The following TMEM38B variants were observed in gnomAD, a reference collection of about 807,000 sequenced individuals.
The protein encoded by TMEM38B is transmembrane protein 38B.
TMEM38B carries 24 observed loss-of-function variants against 28.7 expected under a neutral mutation model. The observed-to-expected ratio is 0.84, with a 90% CI of 0.61 to 1.18. The LOEUF (loss-of-function observed/expected upper bound fraction) is 1.18, where lower values mean the gene tolerates loss of function less well. TMEM38B is among the 50% of genes most tolerant of loss of function. The pLI is 0.00. For missense variants in TMEM38B, 380 were observed against 350.9 expected (o/e 1.08, Z -0.66); for synonymous variants, 131 against 127.7 (o/e 1.03, Z -0.17).
chr9:105,760,273 T>C (rs1372938629), intron 5 of TMEM38B: 4 of 790,666 alleles, frequency 5.1e-6, no homozygotes, highest in Non-Finnish European at 9.2e-6. Flanking sequence ...CTTTTCTCGA[T>C]GTGTGCTATG....
At chr9:105,718,670 A>G (rs141702558) in intron 2 of TMEM38B, among the ~76,000 whole-genome samples, 211 of 152,370 alleles carry the variant, frequency 1.4e-3, no homozygotes, top group African/African-American at 4.6e-3. Flanking sequence ...AAGAGAAACA[A>G]TAACTTGGTA....
chr9:105,741,785 C>A (rs908684825), intron 4 of TMEM38B, among the ~76,000 whole-genome samples: 1 of 152,060 alleles, frequency 6.6e-6, no homozygotes, highest in East Asian at 1.9e-4. Flanking sequence ...CAAATAAAAC[C>A]CCTCAAAACC....
chr9:105,728,147 G>A (rs912465822), intron 4 of TMEM38B, among the ~76,000 whole-genome samples: 1 of 152,034 alleles, frequency 6.6e-6, no homozygotes, highest in African/African-American at 2.4e-5. Flanking sequence ...CAACGTGCAG[G>A]TTTGTTACAT....
intron 5 of TMEM38B, chr9:105,749,291 G>A (rs1263364677): frequency 8.3e-6 from 2 of 240,570 alleles, no homozygotes; most frequent in East Asian, 3.0e-4. Context: ...AGAAAAAGAA[G>A]TTTAAGGGAC....
intron 4 of TMEM38B, among the ~76,000 whole-genome samples, chr9:105,743,108 T>G (rs971319147): frequency 1.3e-5 from 2 of 152,086 alleles, no homozygotes; most frequent in African/African-American, 4.8e-5. Context: ...AACAATAAAA[T>G]AAAACATGAC....
At chr9:105,731,412 C>T (rs1292645959) in intron 4 of TMEM38B, among the ~76,000 whole-genome samples, 1 of 151,954 alleles carries the variant, frequency 6.6e-6, no homozygotes, top group Non-Finnish European at 1.5e-5. Context: ...CCCATTAACT[C>T]GTCATTTATA....
intron 4 of TMEM38B, among the ~76,000 whole-genome samples, chr9:105,736,885 G>C (rs1336869042): frequency 6.6e-6 from 1 of 152,180 alleles, no homozygotes; most frequent in East Asian, 1.9e-4. Context: ...ATGACCTTGG[G>C]TGCCTAAGTG....
intron 2 of TMEM38B, among the ~76,000 whole-genome samples, chr9:105,716,404 G>T (rs1329683059): frequency 7.1e-6 from 1 of 140,448 alleles, no homozygotes; most frequent in South Asian, 2.2e-4. Flanking sequence ...ATTTCCAAAT[G>T]AGTCTGCTCT....
At chr9:105,695,828 C>T (rs1207400007) in intron 1 of TMEM38B, among the ~76,000 whole-genome samples, 4 of 152,124 alleles carry the variant, frequency 2.6e-5, no homozygotes, top group Middle Eastern at 3.2e-3. Flanking sequence ...CAGTTTAAAT[C>T]GTTGGTACAA....
chr9:105,748,124 C>T lies in TMEM38B; in HGVS notation c.594C>T (p.Thr198=). 6.2e-7 allele frequency: 1 copy of T among 1,613,540 alleles called. No individual in the cohort carries two copies. The highest frequency in any genetic ancestry group is 1.3e-5 in the African/African-American group (1 of 74,982). The change falls in exon 5 of 6, where the codon ACC becomes ACT. Residue 198 remains threonine, a synonymous_variant. Coordinates refer to ENST00000374692, the MANE Select transcript of TMEM38B (RefSeq NM_018112.3). Reference sequence around the variant, plus strand: ...CAGTTATCTTCACATTCCAGCACACCCAGCATCTGGCAATATCAAAGCATA... The same window carrying T: ...CAGTTATCTTCACATTCCAGCACACTCAGCATCTGGCAATATCAAAGCATA... ...LGSVIFTFQH[T]QHLAISKHNL... is the part of the protein sequence containing the mutation.
rs185697982 is a variant in TMEM38B, at chr9:105,738,070, C to T, written c.543-10003C>T. Among the ~76,000 whole-genome samples, 25 of 152,252 alleles carry T rather than the reference C, an allele frequency of 1.6e-4. No individual in the cohort carries two copies. The East Asian group carries it at 4.6e-3, about 28-fold the overall frequency. On this transcript the variant is annotated intron_variant, in intron 4 of 5. Transcript: ENST00000374692. ...CTATTTGCCTACAGAGCAGGATGCACTCCCAGAGAGGCTCTGCTTTCAAGA... is the reference window on the plus strand; with the variant it reads ...CTATTTGCCTACAGAGCAGGATGCATTCCCAGAGAGGCTCTGCTTTCAAGA...
rs754515936 is a variant in TMEM38B, at chr9:105,694,735, C to G, written c.75C>G (p.His25Gln). 1.2e-6 allele frequency: 2 copies of G among 1,612,796 alleles called. No individual in the cohort carries two copies. Among genetic ancestry groups the G allele is most frequent in the South Asian group, 2.2e-5 (2 of 91,062 alleles). Residue 25 changes from histidine to glutamine, a missense_variant, in exon 1 of 6, where the codon CAC becomes CAG. His to Gln is a conservative substitution (Grantham distance 24, BLOSUM62 0). Coordinates refer to ENST00000374692, the MANE Select transcript of TMEM38B (RefSeq NM_018112.3). ...TSMFPFFDIA[H>Q]YLVSVMAVKR... ...TGTTTCCCTTTTTTGACATCGCGCA[C>G]TATCTAGTGTCAGTGATGGCGGTGA... is the stretch of plus-strand genomic sequence containing the variant.
At position 105,710,446 on chromosome 9, in the gene TMEM38B, A is replaced by G. The variant is rs1588397907; in HGVS notation, c.269+4693A>G. 5 of 1,389,086 alleles carry G rather than the reference A, an allele frequency of 3.6e-6. No individual in the cohort carries two copies. The East Asian group carries it at 9.2e-5, about 25-fold the overall frequency. 86.0% of individuals were successfully genotyped at this position (1,389,086 alleles called of 1,614,324 possible). ...TAGGACGTCTGTATCTGTCATAATC[A>G]TCATAGCGTGAAGAACTGTACATAT... is the stretch of plus-strand genomic sequence containing the variant. On this transcript the variant is annotated intron_variant, in intron 2 of 5. Transcript: ENST00000374692.
Position 105,721,537 on chromosome 9 carries a change from G to T in TMEM38B, c.270G>T (p.Trp90Cys). 2 of 1,585,548 alleles carry T rather than the reference G, an allele frequency of 1.3e-6. No homozygotes were observed. Among genetic ancestry groups the T allele is most frequent in the South Asian group, 1.2e-5 (1 of 86,114 alleles). Residue 90 changes from tryptophan (W) to cysteine (C), a missense_variant and splice_region_variant, in exon 3 of 6, where the codon TGG becomes TGT. Physicochemically the swap from Trp to Cys is radical, Grantham distance 215. Coordinates refer to ENST00000374692, the MANE Select transcript of TMEM38B (RefSeq NM_018112.3). ...TAAAATGTTTACATTTCATTTTCAGGTATATTACATTTTTTTGCCCGCATG... is the reference window on the plus strand; with the variant it reads ...TAAAATGTTTACATTTCATTTTCAGTTATATTACATTTTTTTGCCCGCATG... The part of the protein sequence containing the change: ...HTNILLASSI[W>C]YITFFCPHDL...
At chr9:105,751,584 A>G (rs544581915) in intron 5 of TMEM38B, among the ~76,000 whole-genome samples, 1 of 152,286 alleles carries the variant, frequency 6.6e-6, no homozygotes, top group East Asian at 1.9e-4. Context: ...ACCAAGCAGC[A>G]TTGTGCTGCA....
At chr9:105,741,990 T>A (rs1837224632) in intron 4 of TMEM38B, among the ~76,000 whole-genome samples, 1 of 152,130 alleles carries the variant, frequency 6.6e-6, no homozygotes, top group Non-Finnish European at 1.5e-5. Context: ...ACAAGAAAGA[T>A]CTGTGGAAGA....
intron 1 of TMEM38B, among the ~76,000 whole-genome samples, chr9:105,698,684 G>A (rs1026706252): frequency 2.6e-5 from 4 of 151,982 alleles, no homozygotes; most frequent in African/African-American, 9.7e-5. Flanking sequence ...GAGCCTATTA[G>A]GTTATTTTAT....
At chr9:105,735,805 T>A (rs1836950310) in intron 4 of TMEM38B, among the ~76,000 whole-genome samples, 1 of 152,134 alleles carries the variant, frequency 6.6e-6, no homozygotes, top group African/African-American at 2.4e-5. Flanking sequence ...GTTTTGAGCT[T>A]CCTGGATGTG....
chr9:105,765,785 C>T (rs1483586206), intron 5 of TMEM38B, among the ~76,000 whole-genome samples: 2 of 151,950 alleles, frequency 1.3e-5, no homozygotes, highest in African/African-American at 2.4e-5. Context: ...TGTACACAGA[C>T]ACATATTTTC....
Sources: gnomAD v4.1 joint callset for allele counts (sites outside exome capture counted in the v4.1 genomes callset) on GRCh38, gnomAD v4.1.1 for gene constraint, MANE v1.5 for transcripts, NCBI Gene and HGNC (gene_info 2026-07-23, HGNC 2026-07-21) for gene names.